Variants in CEP70 observed in about 807,000 individuals in gnomAD.
The protein encoded by CEP70 is centrosomal protein of 70 kDa.
In CEP70, 70 loss-of-function variants were observed where a neutral mutation model predicts 90.9. That is an observed-to-expected ratio of 0.77 (90% CI 0.64 to 0.94). CEP70 has a LOEUF of 0.94. CEP70 is among the 40% of genes least tolerant of loss of function. The probability of loss-of-function intolerance (pLI) is 0.00; values close to 1 mark genes in which losing one functional copy is unlikely to be tolerated. For synonymous variants in CEP70, 220 were observed against 228.3 expected, an observed-to-expected ratio of 0.96 and a Z score of 0.33; for missense variants, 648 against 669.0, an observed-to-expected ratio of 0.97 and a Z score of 0.35.
intron 11 of CEP70, among the ~76,000 whole-genome samples, chr3:138,520,786 C>T (rs1356625256): frequency 1.3e-5 from 2 of 152,072 alleles, no homozygotes; most frequent in Admixed American, 1.3e-4. Context: ...AGAGCTCCCT[C>T]TCCCTCTCCC....
At chr3:138,549,759 G>C (rs1256788754) in intron 6 of CEP70, among the ~76,000 whole-genome samples, 1 of 152,078 alleles carries the variant, frequency 6.6e-6, no homozygotes. Flanking sequence ...GTCAACCAGT[G>C]TAAAAATAGC....
intron 11 of CEP70, among the ~76,000 whole-genome samples, chr3:138,518,696 A>T (rs2036303955): frequency 6.6e-6 from 1 of 152,176 alleles, no homozygotes; most frequent in Non-Finnish European, 1.5e-5. Context: ...CATCATCATC[A>T]AAGACAAAAG....
chr3:138,539,101 G>A (rs187348464), intron 6 of CEP70, among the ~76,000 whole-genome samples: 6 of 152,182 alleles, frequency 3.9e-5, no homozygotes, highest in East Asian at 1.9e-4. Flanking sequence ...CAACTTCCAC[G>A]TCCTGGGTTC....
chr3:138,564,644 A>G (rs1214869605), intron 6 of CEP70, among the ~76,000 whole-genome samples: 2 of 152,186 alleles, frequency 1.3e-5, no homozygotes, highest in African/African-American at 2.4e-5. Context: ...ACAAAATTCA[A>G]CAGCCCTTCT....
chr3:138,573,692 T>C (rs2041333653), intron 2 of CEP70, among the ~76,000 whole-genome samples: 1 of 152,168 alleles, frequency 6.6e-6, no homozygotes, highest in Non-Finnish European at 1.5e-5. Context: ...GACTACATAA[T>C]GAGATCTTGT....
intron 6 of CEP70, among the ~76,000 whole-genome samples, chr3:138,549,249 G>A (rs1188641914): frequency 2.0e-5 from 3 of 151,452 alleles, no homozygotes; most frequent in East Asian, 1.9e-4. Context: ...TTTGAGAAGC[G>A]GGGAGGCACG....
chr3:138,573,565 C>T (rs2041326074), intron 2 of CEP70, among the ~76,000 whole-genome samples: 1 of 152,088 alleles, frequency 6.6e-6, no homozygotes, highest in African/African-American at 2.4e-5. Context: ...TGAGAGTGTT[C>T]ATTGCATCTG....
At chr3:138,589,585 G>A (rs185334583) in intron 2 of CEP70, among the ~76,000 whole-genome samples, 1 of 152,142 alleles carries the variant, frequency 6.6e-6, no homozygotes, top group Admixed American at 6.5e-5. Flanking sequence ...TTGAACCCAG[G>A]AGGTGGAGGC....
chr3:138,584,478 A>AAAG (rs1553869121), intron 2 of CEP70, among the ~76,000 whole-genome samples: 11 of 149,168 alleles, frequency 7.4e-5, no homozygotes, highest in Middle Eastern at 3.4e-3. Context: ...AAAAAAAAAA[A>AAAG]AGAGAGAGAG....
Position 138,500,126 on chromosome 3 carries a change from G to T in CEP70, c.1636C>A (p.Pro546Thr). The T allele has an allele frequency of 6.2e-7, 1 of 1,611,048 alleles. No individual in the cohort carries two copies. Among genetic ancestry groups the T allele is most frequent in the Non-Finnish European group, 8.5e-7 (1 of 1,177,368 alleles). Residue 546 changes from proline (P) to threonine (T), a missense_variant, in exon 16 of 18, where the codon CCT becomes ACT. Physicochemically the swap from Pro to Thr is conservative, Grantham distance 38. Transcript: ENST00000264982. The part of the protein sequence containing the change: ...VNEQVMQVLG[P>T]EDLQSIIYKL... ...AACAAATACCTCTGGAGGTCTTCAG[G>T]TCCTAATACCTGCATAACCTGCTCA...
intron 2 of CEP70, among the ~76,000 whole-genome samples, chr3:138,579,142 C>A (rs2041713462): frequency 3.3e-5 from 5 of 152,198 alleles, no homozygotes; most frequent in Admixed American, 3.3e-4. Flanking sequence ...AGGAAGAATT[C>A]AACCCACTGG....
chr3:138,542,578 A>G lies in CEP70; in HGVS notation c.466-5231T>C, dbSNP rs575569221. On this transcript the variant is annotated intron_variant, in intron 6 of 17. Transcript: ENST00000264982. Reference sequence around the variant, plus strand: ...TGGCCCCACAGCTGCTTCCCATTGCATGGCGCAGCCACCAGGTGCCAGTGG... The same window carrying G: ...TGGCCCCACAGCTGCTTCCCATTGCGTGGCGCAGCCACCAGGTGCCAGTGG... Among the ~76,000 whole-genome samples, 3 of 152,278 alleles carry G rather than the reference A, an allele frequency of 2.0e-5. No homozygotes were observed. The East Asian group carries it at 5.8e-4, about 29-fold the overall frequency.
In CEP70 at chr3:138,566,819, A is replaced by AT. The variant is rs57654678; in HGVS notation, c.465+3498_465+3499insA. On this transcript the variant is annotated intron_variant, in intron 6 of 17. Transcript: ENST00000264982. Reference sequence around the variant, plus strand: ...GAACTTAAAGTATATATATATATATAAAAAAAAAACTTAAATGTATACTTA... The same window carrying AT: ...GAACTTAAAGTATATATATATATATATAAAAAAAAACTTAAATGTATACTTA... 1.6e-3 allele frequency among the ~76,000 whole-genome samples: 234 copies of AT among 147,380 alleles called. 1 individual carries two copies. In the South Asian group the frequency reaches 0.017, roughly 11 times the overall value.
At chr3:138,505,861 A>AC (rs1487745078) in intron 12 of CEP70, among the ~76,000 whole-genome samples, 1 of 152,132 alleles carries the variant, frequency 6.6e-6, no homozygotes, top group Non-Finnish European at 1.5e-5. Context: ...GGCCCACCCC[A>AC]TTAGGAAAGG....
intron 2 of CEP70, among the ~76,000 whole-genome samples, chr3:138,576,420 C>T (rs1478627965): frequency 6.6e-6 from 1 of 152,182 alleles, no homozygotes; most frequent in Non-Finnish European, 1.5e-5. Context: ...AATATACACG[C>T]ACCCAATACA....
chr3:138,559,817 T>C (rs1415073241), intron 6 of CEP70, among the ~76,000 whole-genome samples: 2 of 152,190 alleles, frequency 1.3e-5, no homozygotes, highest in African/African-American at 4.8e-5. Context: ...AGCAAATAGA[T>C]TGACAATTGA....
intron 11 of CEP70, among the ~76,000 whole-genome samples, chr3:138,516,848 T>C (rs1340353165): frequency 5.3e-5 from 8 of 152,342 alleles, no homozygotes; most frequent in Middle Eastern, 3.4e-3. Flanking sequence ...TATTAACTCA[T>C]AGCTTTCAAA....
chr3:138,551,986 T>C, intron 6 of CEP70, among the ~76,000 whole-genome samples: 1 of 151,978 alleles, frequency 6.6e-6, no homozygotes, highest in Non-Finnish European at 1.5e-5. Flanking sequence ...AAAAAGACAT[T>C]CCATGCAAAT....
At chr3:138,549,698 T>C (rs1466077402) in intron 6 of CEP70, among the ~76,000 whole-genome samples, 1 of 152,158 alleles carries the variant, frequency 6.6e-6, no homozygotes, top group Non-Finnish European at 1.5e-5. Context: ...CTGATCCCCG[T>C]TATACTACCA....
Sources: allele counts gnomAD v4.1 joint callset (sites outside exome capture counted in the v4.1 genomes callset), GRCh38; gene constraint gnomAD v4.1.1; transcripts MANE v1.5; gene names NCBI Gene and HGNC (gene_info 2026-07-23, HGNC 2026-07-21).